Variants in IL1RAPL1 observed in about 807,000 individuals in gnomAD.
IL1RAPL1 encodes interleukin 1 receptor accessory protein like 1.
Under a neutral mutation model 48.4 loss-of-function variants are expected in IL1RAPL1, and 3 were observed. The observed-to-expected ratio is 0.06, with a 90% CI of 0.03 to 0.16. IL1RAPL1 has a LOEUF of 0.16. IL1RAPL1 is among the 10% of genes least tolerant of loss of function. The pLI is 1.00. For synonymous variants in IL1RAPL1, 185 were observed against 187.7 expected, an observed-to-expected ratio of 0.99 and a Z score of 0.12; for missense variants, 349 against 530.6, an observed-to-expected ratio of 0.66 and a Z score of 3.36.
chrX:28,888,474 T>C (rs1289475221), intron 2 of IL1RAPL1, among the ~76,000 whole-genome samples: 1 of 111,044 alleles, frequency 9.0e-6, no homozygotes, highest in African/African-American at 3.3e-5. Context: ...CTCGTTTTGA[T>C]ATAGAGGGCA....
chrX:29,907,694 A>T (rs1183016538), intron 6 of IL1RAPL1, among the ~76,000 whole-genome samples: 1 of 111,950 alleles, frequency 8.9e-6, no homozygotes, highest in South Asian at 3.7e-4. Context: ...TAATGTCCAG[A>T]TCTATCATCA....
At chrX:29,918,045 C>T (rs1453762165) in intron 7 of IL1RAPL1, among the ~76,000 whole-genome samples, 2 of 90,813 alleles carry the variant, frequency 2.2e-5, no homozygotes, top group African/African-American at 8.3e-5. Flanking sequence ...ATCACTTGAA[C>T]CTGGGAGGCA....
intron 1 of IL1RAPL1, among the ~76,000 whole-genome samples, chrX:28,770,985 A>C (rs1424171873): frequency 8.9e-6 from 1 of 112,069 alleles, no homozygotes; most frequent in African/African-American, 3.2e-5. Context: ...TATAGAGAAA[A>C]TAAGGGTAGT....
At chrX:29,559,207 T>C (rs1209186844) in intron 5 of IL1RAPL1, among the ~76,000 whole-genome samples, 1 of 112,032 alleles carries the variant, frequency 8.9e-6, no homozygotes, top group Non-Finnish European at 1.9e-5. Flanking sequence ...AATTTGCTGG[T>C]AAATTCAGTT....
At chrX:29,511,041 T>C (rs1935388850) in intron 5 of IL1RAPL1, among the ~76,000 whole-genome samples, 1 of 111,640 alleles carries the variant, frequency 9.0e-6, no homozygotes, top group South Asian at 3.7e-4. Flanking sequence ...CCCATGGATA[T>C]TATGTTTGAA....
intron 5 of IL1RAPL1, among the ~76,000 whole-genome samples, chrX:29,494,633 C>A (rs1935194495): frequency 8.9e-6 from 1 of 111,915 alleles, no homozygotes; most frequent in Non-Finnish European, 1.9e-5. Flanking sequence ...GAGTTCGTTT[C>A]TTTTAATATC....
At chrX:28,747,458 T>C (rs913051724) in intron 1 of IL1RAPL1, among the ~76,000 whole-genome samples, 1 of 110,507 alleles carries the variant, frequency 9.0e-6, no homozygotes. Context: ...CTGGCCAACA[T>C]GGTAAAATCC....
chrX:29,692,436 T>C lies in IL1RAPL1; in HGVS notation c.778+23932T>C, dbSNP rs144543763. Among the ~76,000 whole-genome samples the C allele has an allele frequency of 6.2e-3, 690 of 112,113 alleles. 5 individuals carry two copies. The highest frequency in any genetic ancestry group is 0.021 in the African/African-American group (663 of 30,856). ...ACTCTAGCAAAAGCTGAGCCACTTA[T>C]AGTAAATTTCCATCTCTTTCTCTCT... is the stretch of plus-strand genomic sequence containing the variant. On this transcript the variant is annotated intron_variant, in intron 6 of 10. Coordinates refer to ENST00000378993, the MANE Select transcript of IL1RAPL1 (RefSeq NM_014271.4).
intron 2 of IL1RAPL1, among the ~76,000 whole-genome samples, chrX:28,818,659 A>G (rs1936896571): frequency 9.0e-6 from 1 of 110,699 alleles, no homozygotes; most frequent in Admixed American, 9.7e-5. Flanking sequence ...ACTTAGGGCT[A>G]AGGATTTATA....
At chrX:29,778,516 C>T (rs1929260785) in intron 6 of IL1RAPL1, among the ~76,000 whole-genome samples, 1 of 111,901 alleles carries the variant, frequency 8.9e-6, no homozygotes, top group African/African-American at 3.2e-5. Context: ...CAGTCCCTGC[C>T]TGGCACATAA....
At chrX:29,566,104 A>G (rs1302013224) in intron 5 of IL1RAPL1, among the ~76,000 whole-genome samples, 1 of 110,840 alleles carries the variant, frequency 9.0e-6, no homozygotes, top group East Asian at 2.8e-4. Context: ...GTCCGCCACC[A>G]CACCCGGCTA....
chrX:29,537,891 A>G (rs1267280582), intron 5 of IL1RAPL1, among the ~76,000 whole-genome samples: 1 of 111,699 alleles, frequency 9.0e-6, no homozygotes, highest in Non-Finnish European at 1.9e-5. Flanking sequence ...CGATTTCTTA[A>G]TGCTGTTCCA....
intron 2 of IL1RAPL1, among the ~76,000 whole-genome samples, chrX:29,122,869 GT>G (rs1356107896): frequency 2.7e-5 from 3 of 110,698 alleles, no homozygotes; most frequent in African/African-American, 9.9e-5. Flanking sequence ...TTACTGCCTA[GT>G]CATACCCTTA....
Position 29,705,348 on chromosome X carries a change from G to A in IL1RAPL1, c.778+36844G>A, listed in dbSNP as rs186168696. On this transcript the variant is annotated intron_variant, in intron 6 of 10. Transcript: ENST00000378993. ...TCGTTCCTCAGCCTCCCAAGTAGCCGGGATTACAGGCGCCCACCACCACAC... is the reference window on the plus strand; with the variant it reads ...TCGTTCCTCAGCCTCCCAAGTAGCCAGGATTACAGGCGCCCACCACCACAC... Among the ~76,000 whole-genome samples, 5 of 110,911 alleles carry A rather than the reference G, an allele frequency of 4.5e-5. No individual in the cohort carries two copies. The East Asian group carries it at 1.4e-3, about 32-fold the overall frequency.
At chrX:29,918,593 C>CGTATTTTT in intron 7 of IL1RAPL1, among the ~76,000 whole-genome samples, 1 of 109,215 alleles carries the variant, frequency 9.2e-6, no homozygotes, top group Middle Eastern at 4.8e-3. Context: ...TTTCCTGCTA[C>CGTATTTTT]GTATTTTTAC....
At chrX:29,033,030 A>G (rs1296438945) in intron 2 of IL1RAPL1, among the ~76,000 whole-genome samples, 1 of 112,295 alleles carries the variant, frequency 8.9e-6, no homozygotes, top group East Asian at 2.8e-4. Context: ...TTAGTATATT[A>G]TGTGGGACAT....
intron 1 of IL1RAPL1, among the ~76,000 whole-genome samples, chrX:28,772,577 G>A (rs1277576563): frequency 1.8e-5 from 2 of 111,630 alleles, no homozygotes; most frequent in African/African-American, 6.5e-5. Flanking sequence ...TGTAAACATT[G>A]GATATATTAC....
intron 3 of IL1RAPL1, among the ~76,000 whole-genome samples, chrX:29,324,615 G>T (rs764211974): frequency 9.0e-6 from 1 of 111,531 alleles, no homozygotes; most frequent in African/African-American, 3.3e-5. Flanking sequence ...ATAAAGGTAG[G>T]GGGTAAGTTA....
At chrX:28,637,538 G>A (rs976040270) in intron 1 of IL1RAPL1, among the ~76,000 whole-genome samples, 5 of 111,591 alleles carry the variant, frequency 4.5e-5, no homozygotes, top group African/African-American at 9.8e-5. Context: ...ATGAAGCAGG[G>A]CACAAGAAGT....
Sources: gnomAD v4.1 joint callset for allele counts (sites outside exome capture counted in the v4.1 genomes callset) on GRCh38, gnomAD v4.1.1 for gene constraint, MANE v1.5 for transcripts, NCBI Gene and HGNC (gene_info 2026-07-23, HGNC 2026-07-21) for gene names.